The following CATSPERE variants were observed in gnomAD, a reference collection of about 807,000 sequenced individuals.
CATSPERE encodes the protein cation channel sperm-associated auxiliary subunit epsilon.
CATSPERE carries 93 observed loss-of-function variants against 114.1 expected under a neutral mutation model. The observed-to-expected ratio is 0.81, with a 90% CI of 0.69 to 0.97. CATSPERE has a LOEUF of 0.97. Ranked by LOEUF, CATSPERE falls within the 50% of genes least tolerant of loss-of-function variation. The probability of loss-of-function intolerance (pLI) is 0.00; values close to 1 mark genes in which losing one functional copy is unlikely to be tolerated. For synonymous variants in CATSPERE, 341 were observed against 384.1 expected, an observed-to-expected ratio of 0.89 and a Z score of 1.31; for missense variants, 1,058 against 1,131.6, an observed-to-expected ratio of 0.93 and a Z score of 0.93.
At chr1:244,562,140 C>T (rs1490304037) in intron 10 of CATSPERE, among the ~76,000 whole-genome samples, 3 of 105,020 alleles carry the variant, frequency 2.9e-5, no homozygotes, top group African/African-American at 4.0e-5. Flanking sequence ...GACAACAGAG[C>T]GAGATCCTGT....
At chr1:244,636,034 A>T (rs1020339382) in intron 21 of CATSPERE, among the ~76,000 whole-genome samples, 3 of 152,204 alleles carry the variant, frequency 2.0e-5, no homozygotes, top group Non-Finnish European at 4.4e-5. Context: ...AGCTCCTCCT[A>T]CTTGGCAGAT....
intron 2 of CATSPERE, among the ~76,000 whole-genome samples, chr1:244,472,399 T>C (rs1396950021): frequency 6.6e-6 from 1 of 152,250 alleles, no homozygotes; most frequent in African/African-American, 2.4e-5. Context: ...CCTGCTTTTA[T>C]ATTGATTTTT....
At chr1:244,544,321 C>A (rs1011459944) in intron 8 of CATSPERE, among the ~76,000 whole-genome samples, 2 of 152,300 alleles carry the variant, frequency 1.3e-5, no homozygotes, top group Non-Finnish European at 2.9e-5. Flanking sequence ...TGAACTGACA[C>A]TGATTCCAGG....
chr1:244,572,788 A>T lies in CATSPERE; in HGVS notation c.1950+16A>T. 6.7e-7 allele frequency: 1 copy of T among 1,491,522 alleles called. No homozygotes were observed. The highest frequency in any genetic ancestry group is 9.0e-7 in the Non-Finnish European group (1 of 1,106,332). 92.4% of individuals were successfully genotyped at this position (1,491,522 alleles called of 1,614,324 possible). ...CAAAACTCTGGTAAGCTAATATTTT[A>T]AATTTCTTCATTTGATTTTAATAAG... On this transcript the variant is annotated intron_variant, in intron 11 of 21. Transcript: ENST00000366534.
intron 15 of CATSPERE, 49 bp from the exon 16 acceptor site, chr1:244,593,346 T>G: frequency 1.3e-6 from 2 of 1,596,810 alleles, no homozygotes; most frequent in Non-Finnish European, 1.7e-6. Context: ...GGTTTAGTTT[T>G]AAGTTTGAAA....
rs145921958 is a variant in CATSPERE at position 244,603,281 on chromosome 1, G to A, written c.2304-2414G>A. Among the ~76,000 whole-genome samples, 428 of 152,244 alleles carry A rather than the reference G, an allele frequency of 2.8e-3. 7 individuals are homozygous for A. Among genetic ancestry groups the A allele is most frequent in the East Asian group, 0.021 (107 of 5,184 alleles). On this transcript the variant is annotated intron_variant, in intron 17 of 21. Transcript: ENST00000366534. ...CATCAGAATACAGAAAATTAAAGTC[G>A]TGGTTAATACAATGGGATAGCCACA...
At chr1:244,582,130 G>A (rs577405745) in intron 12 of CATSPERE, among the ~76,000 whole-genome samples, 1 of 152,274 alleles carries the variant, frequency 6.6e-6, no homozygotes, top group Non-Finnish European at 1.5e-5. Flanking sequence ...TAATTTTCAA[G>A]CACATTTTAT....
intron 19 of CATSPERE, among the ~76,000 whole-genome samples, chr1:244,613,806 C>A (rs1671028227): frequency 6.6e-6 from 1 of 152,150 alleles, no homozygotes; most frequent in South Asian, 2.1e-4. Context: ...TGTTAAAATT[C>A]CATCTCCAGT....
chr1:244,621,253 A>ATAAATATATT (rs1168294199), intron 20 of CATSPERE, among the ~76,000 whole-genome samples: 15,026 of 38,402 alleles, frequency 0.39, 6,192 homozygotes, highest in East Asian at 0.58. Flanking sequence ...ATATATTTAT[A>ATAAATATATT]TAGATATATT....
At chr1:244,465,038 CTTT>C (rs1205339880) in intron 2 of CATSPERE, among the ~76,000 whole-genome samples, 3 of 141,118 alleles carry the variant, frequency 2.1e-5, no homozygotes, top group Non-Finnish European at 4.6e-5. Flanking sequence ...TTGGAGGCTC[CTTT>C]TTTTTTTTTT....
At chr1:244,548,493 T>C in intron 8 of CATSPERE, among the ~76,000 whole-genome samples, 1 of 149,608 alleles carries the variant, frequency 6.7e-6, no homozygotes, top group East Asian at 1.9e-4. Context: ...TGTTTTGTTC[T>C]TACTGGAATA....
chr1:244,580,225 T>C (rs547981263), intron 11 of CATSPERE, among the ~76,000 whole-genome samples: 1 of 150,762 alleles, frequency 6.6e-6, no homozygotes, highest in African/African-American at 2.4e-5. Flanking sequence ...TTTTTTTTTT[T>C]TTTTTTTAGT....
intron 2 of CATSPERE, among the ~76,000 whole-genome samples, chr1:244,473,697 T>C (rs1318871894): frequency 6.6e-6 from 1 of 151,962 alleles, no homozygotes; most frequent in East Asian, 1.9e-4. Context: ...GTCACCGAGG[T>C]CTTCTCTCAT....
intron 8 of CATSPERE, among the ~76,000 whole-genome samples, chr1:244,548,461 C>A (rs1660103968): frequency 6.6e-6 from 1 of 152,168 alleles, no homozygotes; most frequent in Non-Finnish European, 1.5e-5. Context: ...TACACTGAAC[C>A]ATTTCCATCA....
chr1:244,610,371 A>G, intron 19 of CATSPERE, 45 bp downstream of exon 19: 1 of 1,415,442 alleles, frequency 7.1e-7, no homozygotes, highest in African/African-American at 1.4e-5. Context: ...GGAATAACTA[A>G]TCTGGCATTT....
At chr1:244,491,950 C>T (rs2148234478) in intron 6 of CATSPERE, among the ~76,000 whole-genome samples, 1 of 152,278 alleles carries the variant, frequency 6.6e-6, no homozygotes, top group South Asian at 2.1e-4. Flanking sequence ...TGGCAATAAT[C>T]AATAGTTTAC....
chr1:244,588,136 G>T (rs1449021173), intron 13 of CATSPERE, among the ~76,000 whole-genome samples: 2 of 149,570 alleles, frequency 1.3e-5, no homozygotes, highest in Non-Finnish European at 2.9e-5. Flanking sequence ...GTAGGTTGCA[G>T]TGAGCTGAGA....
chr1:244,475,688 CA>C (rs1669224704), intron 2 of CATSPERE, among the ~76,000 whole-genome samples: 2 of 151,450 alleles, frequency 1.3e-5, no homozygotes, highest in South Asian at 4.2e-4. Context: ...AGGTGCGCAC[CA>C]CCACGCCTAG....
At chr1:244,625,904 G>T (rs1015562314) in intron 20 of CATSPERE, among the ~76,000 whole-genome samples, 1 of 151,590 alleles carries the variant, frequency 6.6e-6, no homozygotes, top group African/African-American at 2.4e-5. Flanking sequence ...GTAATATTTT[G>T]AAAGGAATCT....
Sources: allele counts gnomAD v4.1 joint callset (sites outside exome capture counted in the v4.1 genomes callset), GRCh38; gene constraint gnomAD v4.1.1; transcripts MANE v1.5; gene names NCBI Gene and HGNC (gene_info 2026-07-23, HGNC 2026-07-21).